The following NPAS2 variants were observed in gnomAD, a reference collection of about 807,000 sequenced individuals.
NPAS2 encodes the protein neuronal PAS domain protein 2.
A neutral mutation model predicts 107.5 loss-of-function variants in NPAS2; 23 were observed. The ratio of observed to expected loss-of-function variants is 0.21; its 90% CI spans 0.15 to 0.30. The LOEUF (loss-of-function observed/expected upper bound fraction) is 0.30, where lower values mean the gene tolerates loss of function less well. NPAS2 is among the 10% of genes least tolerant of loss of function. NPAS2 has a pLI of 1.00. For missense variants in NPAS2, 756 were observed against 1,043.3 expected (o/e 0.72, Z 3.79); for synonymous variants, 403 against 417.5 (o/e 0.97, Z 0.42).
chr2:100,910,509 C>G (rs1184906297), intron 2 of NPAS2, among the ~76,000 whole-genome samples: 1 of 149,468 alleles, frequency 6.7e-6, no homozygotes, highest in Non-Finnish European at 1.5e-5. Flanking sequence ...CCCCACACAG[C>G]CAGATGACAT....
rs146027794 is a variant in NPAS2 at position 100,989,205 on chromosome 2, T to C, written c.1827+929T>C. The C allele has an allele frequency of 5.5e-3, 859 of 155,026 alleles. 12 individuals carry two copies. Among genetic ancestry groups the C allele is most frequent in the Non-Finnish European group, 6.0e-3 (423 of 69,936 alleles). The allele number at this position is 155,026 out of a possible 1,614,324, so 9.6% of individuals were successfully genotyped here. ...CCTCCAGCCTCACATTCCCATGCCC[T>C]CGTGGCTTTGGTAAAGTCAGCTGAG... On this transcript the variant is annotated intron_variant, in intron 17 of 20. Transcript: ENST00000335681.
intron 1 of NPAS2, chr2:100,823,446 G>A (rs1440013802): frequency 6.6e-6 from 1 of 152,136 alleles, no homozygotes; most frequent in Non-Finnish European, 1.5e-5. Flanking sequence ...AGAATAGAAA[G>A]GAGAGTGTTG....
intron 7 of NPAS2, among the ~76,000 whole-genome samples, chr2:100,959,901 T>A (rs1675822780): frequency 6.6e-6 from 1 of 152,248 alleles, no homozygotes; most frequent in African/African-American, 2.4e-5. Flanking sequence ...GACATCTTTC[T>A]CCAGCTCTTT....
chr2:100,853,908 G>A (rs1350614209), intron 1 of NPAS2, among the ~76,000 whole-genome samples: 4 of 151,304 alleles, frequency 2.6e-5, no homozygotes, highest in East Asian at 1.9e-4. Context: ...GTCCGGGCAC[G>A]GTGGCTCACT....
At chr2:100,969,700 A>G (rs1676428441) in intron 11 of NPAS2, among the ~76,000 whole-genome samples, 1 of 152,080 alleles carries the variant, frequency 6.6e-6, no homozygotes, top group Admixed American at 6.6e-5. Flanking sequence ...AGTGTACTGG[A>G]CACACCTAGA....
At chr2:100,961,237 AG>A (rs1284070166) in intron 7 of NPAS2, among the ~76,000 whole-genome samples, 1 of 152,232 alleles carries the variant, frequency 6.6e-6, no homozygotes, top group African/African-American at 2.4e-5. Flanking sequence ...AAATATGACT[AG>A]GAAGTCCCAG....
chr2:100,870,148 C>T (rs1028825313), intron 1 of NPAS2, among the ~76,000 whole-genome samples: 2 of 152,104 alleles, frequency 1.3e-5, no homozygotes, highest in Non-Finnish European at 2.9e-5. Flanking sequence ...ATCCGCCCGC[C>T]TTGGCCTCCC....
chr2:100,919,560 T>C (rs1467024207), intron 2 of NPAS2, among the ~76,000 whole-genome samples: 2 of 152,182 alleles, frequency 1.3e-5, no homozygotes, highest in African/African-American at 4.8e-5. Context: ...CCTTCCTGTC[T>C]CTACTCACTT....
chr2:100,840,719 T>A (rs750291989), intron 1 of NPAS2, among the ~76,000 whole-genome samples: 1 of 152,074 alleles, frequency 6.6e-6, no homozygotes, highest in Non-Finnish European at 1.5e-5. Flanking sequence ...GCCTGTGAAG[T>A]CATCAGTTTC....
chr2:100,901,911 C>T (rs917790150), intron 1 of NPAS2, among the ~76,000 whole-genome samples: 3 of 152,106 alleles, frequency 2.0e-5, no homozygotes, highest in Admixed American at 1.3e-4. Context: ...GTCTACGCCA[C>T]GTAGGACACA....
rs79401949 is a variant in NPAS2, at chr2:100,916,376, G to A, written c.33-8770G>A. The stretch of plus-strand genomic sequence containing the variant: ...ACAAGACATTCAACTCAAATATGAT[G>A]CTATAGGTAGAGGGTAAAAGTAAAA... On this transcript the variant is annotated intron_variant, in intron 2 of 20. Coordinates refer to ENST00000335681, the MANE Select transcript of NPAS2 (RefSeq NM_002518.4). Among the ~76,000 whole-genome samples the A allele has an allele frequency of 5.5e-3, 839 of 152,150 alleles. 7 individuals carry two copies. The highest frequency in any genetic ancestry group is 0.019 in the African/African-American group (796 of 41,528).
chr2:100,846,164 TTA>T (rs1677760713), intron 1 of NPAS2, among the ~76,000 whole-genome samples: 1 of 152,234 alleles, frequency 6.6e-6, no homozygotes, highest in Admixed American at 6.5e-5. Flanking sequence ...GGTTTTCTGC[TTA>T]TATGTTTCTT....
intron 12 of NPAS2, among the ~76,000 whole-genome samples, chr2:100,972,065 A>G (rs1676611573): frequency 6.6e-6 from 1 of 151,086 alleles, no homozygotes; most frequent in Non-Finnish European, 1.5e-5. Context: ...TTCCTGCCTT[A>G]GTCTCCCAAG....
At chr2:100,893,117 C>T (rs1681184138) in intron 1 of NPAS2, among the ~76,000 whole-genome samples, 1 of 152,150 alleles carries the variant, frequency 6.6e-6, no homozygotes, top group Admixed American at 6.5e-5. Context: ...CCTAGCTTCC[C>T]CAAATGACAA....
intron 4 of NPAS2, among the ~76,000 whole-genome samples, chr2:100,937,133 A>G (rs921419051): frequency 6.6e-6 from 1 of 152,212 alleles, no homozygotes; most frequent in African/African-American, 2.4e-5. Flanking sequence ...TGGATTTTTC[A>G]GACATTCTGA....
intron 3 of NPAS2, among the ~76,000 whole-genome samples, chr2:100,929,643 C>G (rs1277267140): frequency 1.3e-5 from 2 of 152,146 alleles, no homozygotes; most frequent in Non-Finnish European, 2.9e-5. Flanking sequence ...TTGAAATCAG[C>G]CATGGTAGGC....
intron 1 of NPAS2, among the ~76,000 whole-genome samples, chr2:100,845,348 T>C (rs1677710146): frequency 6.6e-6 from 1 of 152,168 alleles, no homozygotes; most frequent in Non-Finnish European, 1.5e-5. Context: ...TTATTGTAGA[T>C]GAGGGGCTGG....
chr2:100,877,466 AAGAAAT>A (rs1252257392), intron 1 of NPAS2, among the ~76,000 whole-genome samples: 17 of 151,638 alleles, frequency 1.1e-4, no homozygotes, highest in African/African-American at 3.6e-4. Context: ...AAAAAAAAAA[AAGAAAT>A]GGTTGAAATA....
chr2:100,964,984 A>G, intron 9 of NPAS2, 41 bp downstream of exon 9: 1 of 1,373,974 alleles, frequency 7.3e-7, no homozygotes, highest in Non-Finnish European at 1.0e-6. Flanking sequence ...GGCCCTTCTC[A>G]AGTCTTGTTT....
Sources: gnomAD v4.1 joint callset for allele counts (sites outside exome capture counted in the v4.1 genomes callset) on GRCh38, gnomAD v4.1.1 for gene constraint, MANE v1.5 for transcripts, NCBI Gene and HGNC (gene_info 2026-07-23, HGNC 2026-07-21) for gene names.